The following MTHFD2L variants were observed in gnomAD, a reference collection of about 807,000 sequenced individuals.
MTHFD2L encodes bifunctional methylenetetrahydrofolate dehydrogenase/cyclohydrolase 2, mitochondrial.
Under a neutral mutation model 34.9 loss-of-function variants are expected in MTHFD2L, and 29 were observed. That is an observed-to-expected ratio of 0.83 (90% CI 0.62 to 1.13). The LOEUF is 1.13. Among genes scored for constraint, MTHFD2L ranks in the 50% most tolerant of loss-of-function variants. The pLI is 0.00. For missense variants in MTHFD2L, 481 were observed against 446.5 expected, an observed-to-expected ratio of 1.08 and a Z score of -0.70; for synonymous variants, 167 against 155.7, an observed-to-expected ratio of 1.07 and a Z score of -0.54.
intron 6 of MTHFD2L, among the ~76,000 whole-genome samples, chr4:74,259,528 T>C (rs999742608): frequency 1.1e-4 from 16 of 152,178 alleles, no homozygotes; most frequent in African/African-American, 3.9e-4. Context: ...TGGAGAAATG[T>C]CTAAGAGTTT....
chr4:74,291,906 C>A (rs1364744837), intron 7 of MTHFD2L, among the ~76,000 whole-genome samples: 1 of 152,172 alleles, frequency 6.6e-6, no homozygotes, highest in Non-Finnish European at 1.5e-5. Context: ...CAGTCTGACT[C>A]AAAATATCTA....
intron 5 of MTHFD2L, among the ~76,000 whole-genome samples, chr4:74,206,576 T>G (rs1735365246): frequency 6.6e-6 from 1 of 152,078 alleles, no homozygotes; most frequent in Non-Finnish European, 1.5e-5. Flanking sequence ...TGCCTCAAGG[T>G]TGTATCTTGA....
chr4:74,199,305 T>G (rs1734012511), intron 3 of MTHFD2L, among the ~76,000 whole-genome samples: 1 of 152,082 alleles, frequency 6.6e-6, no homozygotes, highest in Non-Finnish European at 1.5e-5. Context: ...TATTAGATTT[T>G]TTGTTATGTC....
chr4:74,195,609 C>A (rs1733330297), intron 3 of MTHFD2L: 1 of 152,170 alleles, frequency 6.6e-6, no homozygotes, highest in South Asian at 2.1e-4. Flanking sequence ...CCATTATGAA[C>A]CCTGAAAATC....
At chr4:74,140,618 C>T in intron 1 of MTHFD2L, 1 of 811,266 alleles carries the variant, frequency 1.2e-6, no homozygotes, top group Non-Finnish European at 1.5e-6. Context: ...TCTCACACTG[C>T]TATAAGGACA....
chr4:74,269,085 A>G (rs1745646698), intron 6 of MTHFD2L, among the ~76,000 whole-genome samples: 3 of 152,208 alleles, frequency 2.0e-5, no homozygotes, highest in Admixed American at 6.5e-5. Flanking sequence ...TTTACTTATC[A>G]AAGAGATTTT....
intron 1 of MTHFD2L, among the ~76,000 whole-genome samples, chr4:74,128,470 G>C (rs1041475393): frequency 1.3e-5 from 2 of 152,030 alleles, no homozygotes; most frequent in African/African-American, 2.4e-5. Context: ...TTATGAAAGA[G>C]ACTGCCCTTC....
At chr4:74,178,919 C>A (rs980907321) in intron 3 of MTHFD2L, among the ~76,000 whole-genome samples, 14 of 151,858 alleles carry the variant, frequency 9.2e-5, no homozygotes, top group African/African-American at 3.4e-4. Flanking sequence ...CAGACTGGCC[C>A]CCATGCCAAG....
chr4:74,251,474 A>T (rs555560972), intron 6 of MTHFD2L, among the ~76,000 whole-genome samples: 1 of 151,808 alleles, frequency 6.6e-6, no homozygotes, highest in Non-Finnish European at 1.5e-5. Context: ...ATTATCCCAA[A>T]CTCTTTTTAG....
chr4:74,250,285 CAT>C (rs1335682367), intron 6 of MTHFD2L, among the ~76,000 whole-genome samples: 2 of 152,180 alleles, frequency 1.3e-5, no homozygotes, highest in Admixed American at 1.3e-4. Flanking sequence ...CACTAACTTG[CAT>C]AATCACACTC....
chr4:74,158,537 T>C (rs1051503270), intron 1 of MTHFD2L, among the ~76,000 whole-genome samples: 13 of 152,188 alleles, frequency 8.5e-5, no homozygotes, highest in African/African-American at 2.9e-4. Flanking sequence ...GCAGGTGCAC[T>C]TGATTTAGGA....
rs546753324 is a variant in MTHFD2L, at chr4:74,195,146, G to A, written c.452-4648G>A. ...CCTCATGTTTTCAAGGAACATCAAG[G>A]GGACCAGCTTGATGCTCACAGATTG... On this transcript the variant is annotated intron_variant, in intron 3 of 7. Transcript: ENST00000325278. 5 of 152,300 alleles carry A rather than the reference G, an allele frequency of 3.3e-5. 1 individual carries two copies. In the South Asian group the frequency reaches 8.3e-4, roughly 25 times the overall value. 9.4% of individuals were successfully genotyped at this position (152,300 alleles called of 1,614,324 possible). A position where few individuals can be genotyped will look rare whatever the true frequency, so the allele number is the denominator to read the frequency against.
At chr4:74,118,265 C>A (rs1272522888) in intron 2 of MTHFD2L, among the ~76,000 whole-genome samples, 1 of 152,102 alleles carries the variant, frequency 6.6e-6, no homozygotes, top group South Asian at 2.1e-4. Flanking sequence ...CAGATTTTAA[C>A]CCTCTTTTGT....
chr4:74,128,771 G>T (rs1488722559), intron 1 of MTHFD2L, among the ~76,000 whole-genome samples: 1 of 152,004 alleles, frequency 6.6e-6, no homozygotes, highest in Non-Finnish European at 1.5e-5. Context: ...TCAGAATTTT[G>T]ACAGGGATTG....
intron 6 of MTHFD2L, among the ~76,000 whole-genome samples, chr4:74,253,679 A>T (rs1425447096): frequency 6.6e-6 from 1 of 152,122 alleles, no homozygotes; most frequent in East Asian, 1.9e-4. Flanking sequence ...GGCAAGCACC[A>T]GAGGACCATA....
chr4:74,198,514 T>C lies in MTHFD2L; in HGVS notation c.452-1280T>C, dbSNP rs967891883. Among the ~76,000 whole-genome samples, 3 of 152,194 alleles carry C rather than the reference T, an allele frequency of 2.0e-5. No individual in the cohort carries two copies. The South Asian group carries it at 6.2e-4, about 32-fold the overall frequency. On this transcript the variant is annotated intron_variant, in intron 3 of 7. Coordinates refer to ENST00000325278, the MANE Select transcript of MTHFD2L (RefSeq NM_001144978.3). ...TCTTTTCATCTATAAAGCTTTTCATTTCATTGTAAAAAATATCCATGTCAT... is the reference window on the plus strand; with the variant it reads ...TCTTTTCATCTATAAAGCTTTTCATCTCATTGTAAAAAATATCCATGTCAT...
chr4:74,302,253 AAG>A lies in MTHFD2L; in HGVS notation c.*447_*448del, dbSNP rs1347247412. The stretch of plus-strand genomic sequence containing the variant: ...TTATGATCTATGTCATATATTAAAA[AAG>A]AGCTTGCTTACTACAAGAAAAATAT... On this transcript the variant is annotated 3_prime_UTR_variant, in exon 8 of 8. Coordinates refer to ENST00000325278, the MANE Select transcript of MTHFD2L (RefSeq NM_001144978.3). 4 of 152,292 alleles carry A rather than the reference AAG, an allele frequency of 2.6e-5. No homozygotes were observed. Among genetic ancestry groups the A allele is most frequent in the Non-Finnish European group, 5.9e-5 (4 of 68,112 alleles). The allele number at this position is 152,292 out of a possible 1,614,324, so 9.4% of individuals were successfully genotyped here. A position where few individuals can be genotyped will look rare whatever the true frequency, so the allele number is the denominator to read the frequency against.
At chr4:74,140,487 A>T in intron 1 of MTHFD2L, 1 of 769,954 alleles carries the variant, frequency 1.3e-6, no homozygotes. Context: ...TATTTAAATT[A>T]TTTTAATTTT....
Position 74,273,086 on chromosome 4 carries a change from T to C in MTHFD2L, c.806-8339T>C, listed in dbSNP as rs114223660. Among the ~76,000 whole-genome samples, 575 of 152,310 alleles carry C rather than the reference T, an allele frequency of 3.8e-3. 5 individuals are homozygous for C. The highest frequency in any genetic ancestry group is 0.013 in the African/African-American group (546 of 41,564). On this transcript the variant is annotated intron_variant, in intron 6 of 7. Coordinates refer to ENST00000325278, the MANE Select transcript of MTHFD2L (RefSeq NM_001144978.3). ...GTATCTGAGCATATGAAGTAATAGA[T>C]ATCGATTTGAGGAGTATGGGTTTTA...
Sources: gnomAD v4.1 joint callset for allele counts (sites outside exome capture counted in the v4.1 genomes callset) on GRCh38, gnomAD v4.1.1 for gene constraint, MANE v1.5 for transcripts, NCBI Gene and HGNC (gene_info 2026-07-23, HGNC 2026-07-21) for gene names.